The following ARHGEF33 variants were observed in gnomAD, a reference collection of about 807,000 sequenced individuals.
ARHGEF33 encodes DH and coiled-coil domain-containing protein ENSP00000381780.
ARHGEF33 carries 72 observed loss-of-function variants against 101.9 expected under a neutral mutation model. The observed-to-expected ratio is 0.71, with a 90% CI of 0.58 to 0.86. The LOEUF is 0.86. Among genes scored for constraint, ARHGEF33 ranks in the 40% least tolerant of loss-of-function variants. The pLI, the probability that ARHGEF33 is intolerant of heterozygous loss-of-function variation, is 0.00. For missense variants in ARHGEF33, 1,169 were observed against 1,111.3 expected, an observed-to-expected ratio of 1.05 and a Z score of -0.74; for synonymous variants, 499 against 442.5, an observed-to-expected ratio of 1.13 and a Z score of -1.60.
At chr2:38,948,450 G>T (rs908998600) in intron 10 of ARHGEF33, among the ~76,000 whole-genome samples, 10 of 151,884 alleles carry the variant, frequency 6.6e-5, no homozygotes, top group Non-Finnish European at 1.3e-4. Context: ...TCCAGGAGGA[G>T]ATTGGTACCA....
chr2:38,973,732 C>G lies in ARHGEF33; in HGVS notation c.2502C>G (p.Tyr834Ter). Reference sequence around the variant, plus strand: ...ATTTTAGGTCCAGTGGATCAGAATACAGGGAAAAAACTAATGAGAATCCCT... The same window carrying G: ...ATTTTAGGTCCAGTGGATCAGAATAGAGGGAAAAAACTAATGAGAATCCCT... Reference protein sequence around the residue: ...LFKKKSSGSEYREKTNENPSM... With the variant: ...LFKKKSSGSE Residue 834 changes from tyrosine (Y) to a stop codon, truncating the protein, a stop_gained, in exon 18 of 18, where the codon TAC (tyrosine) becomes TAG (stop). Coordinates refer to ENST00000409978, the MANE Select transcript of ARHGEF33 (RefSeq NM_001145451.5). LOFTEE classifies it high-confidence loss of function. 1 of 1,541,980 alleles carries G rather than the reference C, an allele frequency of 6.5e-7. No individual in the cohort carries two copies. Among genetic ancestry groups the G allele is most frequent in the South Asian group, 1.2e-5 (1 of 82,884 alleles).
chr2:38,950,880 T>C lies in ARHGEF33; in HGVS notation c.921-109T>C, dbSNP rs1246494936. 4 of 1,032,946 alleles carry C rather than the reference T, an allele frequency of 3.9e-6. No individual in the cohort carries two copies. In the East Asian group the frequency reaches 8.0e-5, roughly 21 times the overall value. 64.0% of individuals were successfully genotyped at this position (1,032,946 alleles called of 1,614,324 possible). ...AAAATCCTTAATGCAGGCCTGTGACTCACAGTATGTTGGATGGCTGGGAGA... is the reference window on the plus strand; with the variant it reads ...AAAATCCTTAATGCAGGCCTGTGACCCACAGTATGTTGGATGGCTGGGAGA... On this transcript the variant is annotated intron_variant, in intron 10 of 17. Transcript: ENST00000409978.
chr2:38,934,583 C>A lies in ARHGEF33; in HGVS notation c.506-1192C>A, dbSNP rs1459945474. Among the ~76,000 whole-genome samples the A allele has an allele frequency of 1.5e-4, 4 of 26,256 alleles. 1 individual carries two copies. The highest frequency in any genetic ancestry group is 2.4e-4 in the Non-Finnish European group (3 of 12,664). 17.2% of individuals were successfully genotyped at this position (26,256 alleles called of 152,430 possible). Reference sequence around the variant, plus strand: ...CTCCCGCTTCTCTCCCTCCCTCCCCCCTCTCTCCCGCTTCTCTCCCTCCCT... The same window carrying A: ...CTCCCGCTTCTCTCCCTCCCTCCCCACTCTCTCCCGCTTCTCTCCCTCCCT... On this transcript the variant is annotated intron_variant, in intron 7 of 17. Coordinates refer to ENST00000409978, the MANE Select transcript of ARHGEF33 (RefSeq NM_001145451.5).
chr2:38,967,936 C>CTTTTTT (rs397871559), intron 17 of ARHGEF33, among the ~76,000 whole-genome samples: 1 of 96,366 alleles, frequency 1.0e-5, no homozygotes, highest in Non-Finnish European at 2.1e-5. Context: ...TTGAGCCTAT[C>CTTTTTT]TTTTTTTTTT....
intron 17 of ARHGEF33, among the ~76,000 whole-genome samples, chr2:38,967,945 T>TC (rs1668087395): frequency 7.4e-6 from 1 of 135,134 alleles, no homozygotes; most frequent in African/African-American, 3.4e-5. Context: ...TCTTTTTTTT[T>TC]TTTTTTTTTT....
rs1045571664 is a variant in ARHGEF33, at chr2:38,975,155, G to A, written c.*1312G>A. 1 of 152,206 alleles carries A rather than the reference G, an allele frequency of 6.6e-6. No homozygotes were observed. The allele number at this position is 152,206 out of a possible 1,614,324, so 9.4% of individuals were successfully genotyped here. On this transcript the variant is annotated 3_prime_UTR_variant, in exon 18 of 18. Coordinates refer to ENST00000409978, the MANE Select transcript of ARHGEF33 (RefSeq NM_001145451.5). ...TGATAAAATAGGCAAAGGTTCACAT[G>A]TAAGTGTTGCAAGTTTTCTTCTCCT...
chr2:38,898,511 G>A (rs1666169204), intron 2 of ARHGEF33, among the ~76,000 whole-genome samples: 1 of 152,140 alleles, frequency 6.6e-6, no homozygotes, highest in South Asian at 2.1e-4. Context: ...CAACTAGCAG[G>A]AAAGAGAAAG....
At chr2:38,971,584 T>C (rs1425698188) in intron 17 of ARHGEF33, among the ~76,000 whole-genome samples, 1 of 152,200 alleles carries the variant, frequency 6.6e-6, no homozygotes, top group Non-Finnish European at 1.5e-5. Flanking sequence ...GCCACACCTT[T>C]GGAAGAGTCC....
At chr2:38,921,471 G>T in intron 4 of ARHGEF33, 48 bp downstream of exon 4, 1 of 1,219,588 alleles carries the variant, frequency 8.2e-7, no homozygotes, top group South Asian at 1.3e-5. Context: ...TAATAGCAAT[G>T]ACTGACTATT....
chr2:38,924,142 C>G (rs1020637254), intron 4 of ARHGEF33, among the ~76,000 whole-genome samples: 4 of 151,962 alleles, frequency 2.6e-5, no homozygotes, highest in Non-Finnish European at 5.9e-5. Context: ...AGAACACAGA[C>G]AATTTACCAA....
chr2:38,906,514 G>T (rs1423986570), intron 2 of ARHGEF33, among the ~76,000 whole-genome samples: 3 of 152,130 alleles, frequency 2.0e-5, no homozygotes, highest in Non-Finnish European at 4.4e-5. Context: ...GGTTCAGTAT[G>T]CCTTAGCTCT....
intron 9 of ARHGEF33, among the ~76,000 whole-genome samples, chr2:38,940,067 C>G (rs539716304): frequency 2.1e-3 from 321 of 152,240 alleles, no homozygotes; most frequent in African/African-American, 7.2e-3. Context: ...CCTTCTGTTT[C>G]CCATTGTTGT....
rs1310358131 is a variant in ARHGEF33 at position 38,931,118 on chromosome 2, A to G, written c.372A>G (p.Gln124=). The G allele has an allele frequency of 2.6e-6, 4 of 1,541,954 alleles. No individual in the cohort carries two copies. The highest frequency in any genetic ancestry group is 4.2e-5 in the Admixed American group (2 of 47,664). The part of the protein sequence containing the change: ...ESRKVKAKKT[Q]KEEHSSQAGP... ...TGTTTCTCTTTCCTAGGAAAACTCA[A>G]AAAGAAGAGCACAGCTCACAGGCCG... is the stretch of plus-strand genomic sequence containing the variant. The change falls in exon 7 of 18, where the codon CAA becomes CAG. Residue 124 remains glutamine, a synonymous_variant. Transcript: ENST00000409978.
At chr2:38,945,069 A>T (rs1242443806) in intron 10 of ARHGEF33, among the ~76,000 whole-genome samples, 1 of 152,238 alleles carries the variant, frequency 6.6e-6, no homozygotes, top group African/African-American at 2.4e-5. Flanking sequence ...TAATGAATAT[A>T]TAATAATCCA....
intron 2 of ARHGEF33, among the ~76,000 whole-genome samples, chr2:38,908,429 A>G (rs1226190907): frequency 2.6e-5 from 4 of 152,192 alleles, no homozygotes; most frequent in Non-Finnish European, 5.9e-5. Context: ...TATGTCTTCA[A>G]TGAGGCATTT....
Position 38,960,539 on chromosome 2 carries a change from A to G in ARHGEF33, c.2234A>G (p.Gln745Arg), listed in dbSNP as rs1487034237. 1.0e-5 allele frequency: 13 copies of G among 1,257,212 alleles called. No individual in the cohort carries two copies. The highest frequency in any genetic ancestry group is 3.5e-5 in the East Asian group (1 of 28,726). The allele number at this position is 1,257,212 out of a possible 1,614,324, so 77.9% of individuals were successfully genotyped here. A position where few individuals can be genotyped will look rare whatever the true frequency, so the allele number is the denominator to read the frequency against. The change falls in exon 16 of 18, where the codon CAG (glutamine) becomes CGG (arginine). Residue 745 changes from glutamine to arginine, a missense_variant. By Grantham distance (43) the Gln-to-Arg change is conservative (BLOSUM62 1). Coordinates refer to ENST00000409978, the MANE Select transcript of ARHGEF33 (RefSeq NM_001145451.5). ...CCCATCAAGGCCGAGCGCGCCGCGC[A>G]GGCGCACGGCCCGGCCGCCGCCGCC... is the stretch of plus-strand genomic sequence containing the variant. ...RAPIKAERAAQAHGPAAAAVA... is the reference protein window; with the variant it reads ...RAPIKAERAARAHGPAAAAVA...
At position 38,974,439 on chromosome 2, in the gene ARHGEF33, G is replaced by C. The variant is rs192118461; in HGVS notation, c.*596G>C. 6.6e-6 allele frequency: 1 copy of C among 152,194 alleles called. No individual in the cohort carries two copies. The highest frequency in any genetic ancestry group is 2.4e-5 in the African/African-American group (1 of 41,456). The allele number at this position is 152,194 out of a possible 1,614,324, so 9.4% of individuals were successfully genotyped here. A position where few individuals can be genotyped will look rare whatever the true frequency, so the allele number is the denominator to read the frequency against. ...TTGTGCTTAAACCATGATTCAGAAG[G>C]TTCAAAGCTTAAAAACACATTGATC... On this transcript the variant is annotated 3_prime_UTR_variant, in exon 18 of 18. Coordinates refer to ENST00000409978, the MANE Select transcript of ARHGEF33 (RefSeq NM_001145451.5).
chr2:38,946,601 C>T (rs1667457318), intron 10 of ARHGEF33, among the ~76,000 whole-genome samples: 1 of 151,720 alleles, frequency 6.6e-6, no homozygotes, highest in Non-Finnish European at 1.5e-5. Context: ...TTAAAGCTTT[C>T]CTGAAACCTC....
intron 14 of ARHGEF33, among the ~76,000 whole-genome samples, chr2:38,957,280 C>G (rs1214978273): frequency 2.0e-5 from 3 of 152,352 alleles, no homozygotes; most frequent in Non-Finnish European, 4.4e-5. Context: ...CATAGACCCC[C>G]TCTCATCCCA....
Sources: gnomAD v4.1 joint callset for allele counts (sites outside exome capture counted in the v4.1 genomes callset) on GRCh38, gnomAD v4.1.1 for gene constraint, MANE v1.5 for transcripts, NCBI Gene and HGNC (gene_info 2026-07-23, HGNC 2026-07-21) for gene names.